The following ITPR1 variants were observed in gnomAD, a reference collection of about 807,000 sequenced individuals.
ITPR1 encodes inositol 1,4,5-trisphosphate receptor type 1, also known as inositol 1,4,5-trisphosphate-gated calcium channel ITPR1.
Under a neutral mutation model 318.4 loss-of-function variants are expected in ITPR1, and 96 were observed. The observed-to-expected ratio is 0.30, with a 90% confidence interval of 0.26 to 0.36. ITPR1 has a LOEUF of 0.36. ITPR1 is among the 10% of genes least tolerant of loss of function. ITPR1 has a pLI of 1.00. For synonymous variants in ITPR1, 1,312 were observed against 1,289.9 expected (o/e 1.02, Z -0.37); for missense variants, 2,440 against 3,460.2 (o/e 0.71, Z 7.40).
intron 10 of ITPR1, among the ~76,000 whole-genome samples, chr3:4,647,122 C>T (rs1251344384): frequency 3.3e-5 from 5 of 151,878 alleles, no homozygotes; most frequent in Non-Finnish European, 7.4e-5. Flanking sequence ...TGTTCTTGAA[C>T]TTTGTATAAA....
intron 45 of ITPR1, 27 bp downstream of exon 45, chr3:4,766,737 C>A (rs759832031): frequency 6.4e-7 from 1 of 1,550,832 alleles, no homozygotes; most frequent in African/African-American, 1.4e-5. Flanking sequence ...CTTCAGTCAG[C>A]TGGATCATGA....
At chr3:4,629,068 GCTCA>G (rs1032727608) in intron 5 of ITPR1, among the ~76,000 whole-genome samples, 1 of 152,122 alleles carries the variant, frequency 6.6e-6, no homozygotes, top group Non-Finnish European at 1.5e-5. Context: ...GGACACCTAA[GCTCA>G]CTCCCATTGA....
chr3:4,780,230 C>T (rs1490898165), intron 49 of ITPR1, among the ~76,000 whole-genome samples: 1 of 152,160 alleles, frequency 6.6e-6, no homozygotes, highest in Non-Finnish European at 1.5e-5. Context: ...CCTTAATGAA[C>T]GGAAGTTCCT....
intron 4 of ITPR1, among the ~76,000 whole-genome samples, chr3:4,593,376 G>A (rs2090541895): frequency 6.6e-6 from 1 of 152,192 alleles, no homozygotes; most frequent in African/African-American, 2.4e-5. Context: ...CTGTCATTTA[G>A]GCTACTCCTT....
chr3:4,496,062 G>C (rs910852443), intron 2 of ITPR1, among the ~76,000 whole-genome samples: 2 of 152,140 alleles, frequency 1.3e-5, no homozygotes, highest in African/African-American at 4.8e-5. Context: ...AGAGTAAAAA[G>C]AAACAAAACC....
At position 4,681,624 on chromosome 3, in the gene ITPR1, A is replaced by AGTGTGTGTGTGT. The variant is rs10665371; in HGVS notation, c.3161+229_3161+240dup. Among the ~76,000 whole-genome samples the AGTGTGTGTGTGT allele has an allele frequency of 3.1e-3, 447 of 145,878 alleles. 1 individual carries two copies. The highest frequency in any genetic ancestry group is 9.3e-3 in the African/African-American group (367 of 39,384). ...GAGAGTGAGAGAGAGAGAGAGAGAA[A>AGTGTGTGTGTGT]GTGTGTGTGTGTGTGTGTGTGTGTG... is the stretch of plus-strand genomic sequence containing the variant. On this transcript the variant is annotated intron_variant, in intron 26 of 61. Transcript: ENST00000649015.
At chr3:4,650,032 A>T (rs956188567) in intron 10 of ITPR1, among the ~76,000 whole-genome samples, 1 of 152,360 alleles carries the variant, frequency 6.6e-6, no homozygotes, top group African/African-American at 2.4e-5. Context: ...TTGAAAGTGT[A>T]TTCATATTGC....
intron 17 of ITPR1, among the ~76,000 whole-genome samples, chr3:4,665,882 C>T (rs2093936173): frequency 6.6e-6 from 1 of 152,166 alleles, no homozygotes; most frequent in South Asian, 2.1e-4. Flanking sequence ...AACTATATTG[C>T]TACATCATTG....
intron 44 of ITPR1, among the ~76,000 whole-genome samples, chr3:4,765,091 G>A (rs1481099004): frequency 1.6e-5 from 2 of 129,022 alleles, no homozygotes; most frequent in South Asian, 2.5e-4. Flanking sequence ...AAAGAAACGA[G>A]GCAGTAAAAG....
chr3:4,673,134 A>G lies in ITPR1; in HGVS notation c.2205-2A>G. The G allele has an allele frequency of 6.2e-7, 1 of 1,612,166 alleles. No homozygotes were observed. Among genetic ancestry groups the G allele is most frequent in the Non-Finnish European group, 8.5e-7 (1 of 1,178,576 alleles). On this transcript the variant is annotated splice_acceptor_variant, in intron 20 of 61. Transcript: ENST00000649015. LOFTEE classifies it high-confidence loss of function. Reference sequence around the variant, plus strand: ...GCTGTGTGCCCTTGTTCCTTCCTCTAGATATCAGCTGAACCTCTTTGCGAG... The same window carrying G: ...GCTGTGTGCCCTTGTTCCTTCCTCTGGATATCAGCTGAACCTCTTTGCGAG...
chr3:4,609,051 A>AATATGTATAT lies in ITPR1; in HGVS notation c.164-18708_164-18707insGTATATATAT, dbSNP rs1387747146. ...CAAAAGAAAACAACAACAACAACGAAATATATATATATATATATATATATA... is the reference window on the plus strand; with the variant it reads ...CAAAAGAAAACAACAACAACAACGAAATATGTATATATATATATATATATATATATATATA... On this transcript the variant is annotated intron_variant, in intron 4 of 61. Transcript: ENST00000649015. Among the ~76,000 whole-genome samples the AATATGTATAT allele has an allele frequency of 1.2e-3, 57 of 46,566 alleles. 1 individual carries two copies. Among genetic ancestry groups the AATATGTATAT allele is most frequent in the Admixed American group, 4.2e-3 (11 of 2,640 alleles). The allele number at this position is 46,566 out of a possible 152,430, so 30.5% of individuals were successfully genotyped here. A position where few individuals can be genotyped will look rare whatever the true frequency, so the allele number is the denominator to read the frequency against.
chr3:4,723,659 G>A (rs992928688), intron 40 of ITPR1, among the ~76,000 whole-genome samples: 81 of 151,614 alleles, frequency 5.3e-4, no homozygotes, highest in African/African-American at 1.9e-3. Context: ...AATTCAAACA[G>A]ACGACATACT....
At chr3:4,634,037 A>T (rs2093100229) in intron 5 of ITPR1, among the ~76,000 whole-genome samples, 1 of 152,224 alleles carries the variant, frequency 6.6e-6, no homozygotes, top group Admixed American at 6.5e-5. Context: ...GATGGGGCAG[A>T]CCTTGATGTT....
intron 35 of ITPR1, 85 bp from the exon 36 acceptor site, chr3:4,702,745 G>T: frequency 6.9e-7 from 1 of 1,447,654 alleles, no homozygotes; most frequent in South Asian, 1.3e-5. Context: ...AGTGGTTCAA[G>T]ACAATGTCTC....
At position 4,690,034 on chromosome 3, in the gene ITPR1, T is replaced by C. The variant is rs571811412; in HGVS notation, c.3829-1110T>C. ...GCTCACGCCTGTAATCCCAGCACTT[T>C]GGGAGGCCAAGGCAGGCGGATCACT... On this transcript the variant is annotated intron_variant, in intron 31 of 61. Transcript: ENST00000649015. Among the ~76,000 whole-genome samples, 49 of 152,338 alleles carry C rather than the reference T, an allele frequency of 3.2e-4. No homozygotes were observed. The South Asian group carries it at 8.7e-3, about 27-fold the overall frequency.
intron 3 of ITPR1, 138 bp from the exon 4 acceptor site, chr3:4,520,886 A>G: frequency 1.4e-6 from 1 of 695,694 alleles, no homozygotes; most frequent in South Asian, 1.6e-5. Context: ...GGAAGCCTCT[A>G]GTGTAAAGAG....
At chr3:4,702,224 A>T (rs2125265350) in intron 35 of ITPR1, among the ~76,000 whole-genome samples, 1 of 152,378 alleles carries the variant, frequency 6.6e-6, no homozygotes, top group East Asian at 1.9e-4. Context: ...AAATCTTCTC[A>T]TGTAACTTCG....
rs145345067 is a variant in ITPR1 at position 4,646,555 on chromosome 3, T to C, written c.855+827T>C. ...GCTGAAGGGCCATATATCCAGGCTATAGGGAGTTGGGATTTAATTTATGGG... is the reference window on the plus strand; with the variant it reads ...GCTGAAGGGCCATATATCCAGGCTACAGGGAGTTGGGATTTAATTTATGGG... On this transcript the variant is annotated intron_variant, in intron 10 of 61. Transcript: ENST00000649015. 4.5e-3 allele frequency among the ~76,000 whole-genome samples: 680 copies of C among 152,300 alleles called. 9 individuals carry two copies. Among genetic ancestry groups the C allele is most frequent in the African/African-American group, 0.015 (633 of 41,552 alleles).
intron 60 of ITPR1, among the ~76,000 whole-genome samples, chr3:4,820,191 C>G (rs2049603398): frequency 6.6e-6 from 1 of 152,126 alleles, no homozygotes; most frequent in Non-Finnish European, 1.5e-5. Context: ...AAACCCTACT[C>G]GATCAGCATT....
Sources: gnomAD v4.1 joint callset for allele counts (sites outside exome capture counted in the v4.1 genomes callset) on GRCh38, gnomAD v4.1.1 for gene constraint, MANE v1.5 for transcripts, NCBI Gene and HGNC (gene_info 2026-07-23, HGNC 2026-07-21) for gene names.